The following DLGAP2 variants were observed in gnomAD, a reference collection of about 807,000 sequenced individuals.
DLGAP2 encodes the protein disks large-associated protein 2.
Under a neutral mutation model 100.3 loss-of-function variants are expected in DLGAP2, and 26 were observed. That is an observed-to-expected ratio of 0.26 (90% CI 0.19 to 0.36). The LOEUF (loss-of-function observed/expected upper bound fraction) is 0.36, where lower values mean the gene tolerates loss of function less well. Ranked by LOEUF, DLGAP2 falls within the 10% of genes least tolerant of loss-of-function variation. The pLI is 1.00. For synonymous variants in DLGAP2, 886 were observed against 630.1 expected, an observed-to-expected ratio of 1.41 and a Z score of -6.08; for missense variants, 1,858 against 1,453.2, an observed-to-expected ratio of 1.28 and a Z score of -4.53.
chr8:758,912 A>G (rs571747179), intron 1 of DLGAP2, among the ~76,000 whole-genome samples: 54 of 152,082 alleles, frequency 3.6e-4, no homozygotes, highest in Middle Eastern at 3.4e-3. Context: ...AGCAGAAGGC[A>G]CAGAGAGTTC....
chr8:946,182 C>T, intron 2 of DLGAP2, among the ~76,000 whole-genome samples: 1 of 151,996 alleles, frequency 6.6e-6, no homozygotes, highest in East Asian at 1.9e-4. Flanking sequence ...GGGAGTCACA[C>T]ATTGATTGTC....
chr8:820,790 GA>G (rs1260831855), intron 1 of DLGAP2, among the ~76,000 whole-genome samples: 2 of 152,198 alleles, frequency 1.3e-5, no homozygotes, highest in Non-Finnish European at 2.9e-5. Flanking sequence ...TAGGAAATGG[GA>G]AAATTGGAGA....
intron 3 of DLGAP2, among the ~76,000 whole-genome samples, chr8:1,336,607 A>G (rs894052041): frequency 6.6e-6 from 1 of 152,198 alleles, no homozygotes; most frequent in Non-Finnish European, 1.5e-5. Flanking sequence ...GGGCCTGGAC[A>G]CCAGCAGCCT....
At chr8:1,364,138 G>A (rs768406767) in intron 3 of DLGAP2, among the ~76,000 whole-genome samples, 15 of 152,254 alleles carry the variant, frequency 9.9e-5, no homozygotes, top group East Asian at 5.8e-4. Context: ...TCCTGAGCCC[G>A]TCTCCCGTGC....
chr8:1,362,347 T>A (rs886288314), intron 3 of DLGAP2, among the ~76,000 whole-genome samples: 1 of 126,294 alleles, frequency 7.9e-6, no homozygotes, highest in African/African-American at 3.9e-5. Context: ...TTACAGCTCT[T>A]GACCTCAGGT....
chr8:1,342,109 C>G (rs1158170997), intron 3 of DLGAP2, among the ~76,000 whole-genome samples: 2 of 151,990 alleles, frequency 1.3e-5, no homozygotes, highest in Admixed American at 6.6e-5. Context: ...TGCCCCTACC[C>G]CCAGCTGATT....
intron 3 of DLGAP2, among the ~76,000 whole-genome samples, chr8:1,434,180 GCTCT>G (rs557551718): frequency 2.1e-4 from 32 of 152,224 alleles, no homozygotes; most frequent in African/African-American, 6.7e-4. Context: ...CAGCTCAGCC[GCTCT>G]CTCTTTCTGG....
intron 3 of DLGAP2, among the ~76,000 whole-genome samples, chr8:1,408,287 A>G (rs145872494): frequency 9.1e-4 from 139 of 152,246 alleles, no homozygotes; most frequent in Middle Eastern, 6.8e-3. Flanking sequence ...CTTGCTGATG[A>G]TCTGGGTCTG....
At chr8:1,435,418 G>T (rs1296150074) in intron 3 of DLGAP2, among the ~76,000 whole-genome samples, 1 of 152,134 alleles carries the variant, frequency 6.6e-6, no homozygotes, top group African/African-American at 2.4e-5. Flanking sequence ...ATTATCATCA[G>T]CTGGAAGACT....
At position 1,372,241 on chromosome 8, in the gene DLGAP2, C is replaced by T. The variant is rs570918758; in HGVS notation, c.106+113358C>T. Among the ~76,000 whole-genome samples the T allele has an allele frequency of 3.2e-4, 49 of 151,870 alleles. 1 individual carries two copies. The highest frequency in any genetic ancestry group is 3.4e-3 in the Middle Eastern group (1 of 294). ...GGGACGCTGGTCACCGTGGTGCCAA[C>T]GCTGGGACGCTGGTCACCGTGCTGC... On this transcript the variant is annotated intron_variant, in intron 3 of 14. Transcript: ENST00000637795.
At chr8:838,205 C>A (rs1177899302) in intron 1 of DLGAP2, among the ~76,000 whole-genome samples, 1 of 152,074 alleles carries the variant, frequency 6.6e-6, no homozygotes, top group Admixed American at 6.5e-5. Flanking sequence ...TCTTTCCCCT[C>A]CCTTTGTTCC....
At chr8:907,066 G>T (rs1407675118) in intron 1 of DLGAP2, among the ~76,000 whole-genome samples, 2 of 152,138 alleles carry the variant, frequency 1.3e-5, no homozygotes, top group Admixed American at 6.5e-5. Flanking sequence ...ACTGAAAGTC[G>T]ATCGAGGGCA....
intron 4 of DLGAP2, among the ~76,000 whole-genome samples, chr8:1,534,742 CTGTG>C (rs1367858937): frequency 7.2e-5 from 11 of 151,786 alleles, no homozygotes; most frequent in African/African-American, 2.4e-4. Flanking sequence ...AATCACAAGG[CTGTG>C]TGTGTTTGTG....
intron 1 of DLGAP2, among the ~76,000 whole-genome samples, chr8:838,051 G>T (rs541399435): frequency 6.6e-6 from 1 of 152,100 alleles, no homozygotes; most frequent in South Asian, 2.1e-4. Context: ...ATTAATATTT[G>T]GTAAACAAAT....
chr8:855,687 ATT>A (rs904197021), intron 1 of DLGAP2, among the ~76,000 whole-genome samples: 33 of 152,272 alleles, frequency 2.2e-4, no homozygotes, highest in African/African-American at 7.9e-4. Context: ...TCGGTTACTG[ATT>A]TTTGAGGCCC....
intron 2 of DLGAP2, among the ~76,000 whole-genome samples, chr8:1,221,014 T>C (rs1189097503): frequency 6.6e-6 from 1 of 152,250 alleles, no homozygotes; most frequent in East Asian, 1.9e-4. Context: ...GATGAGTCTC[T>C]TGAAGACAGC....
chr8:882,860 C>T (rs932890247), intron 1 of DLGAP2, among the ~76,000 whole-genome samples: 7 of 152,256 alleles, frequency 4.6e-5, no homozygotes, highest in African/African-American at 1.2e-4. Flanking sequence ...CCCGTGGTGT[C>T]GTCACTTCTC....
chr8:1,039,710 G>A (rs1175229986), intron 2 of DLGAP2, among the ~76,000 whole-genome samples: 1 of 134,474 alleles, frequency 7.4e-6, no homozygotes. Context: ...GGTCAGCTCG[G>A]TTTCCGTGGT....
chr8:1,049,138 G>A (rs1306575603), intron 2 of DLGAP2, among the ~76,000 whole-genome samples: 1 of 152,194 alleles, frequency 6.6e-6, no homozygotes, highest in Non-Finnish European at 1.5e-5. Context: ...TGTCAATAAT[G>A]TTTAGACGAC....
Sources: allele counts gnomAD v4.1 joint callset (sites outside exome capture counted in the v4.1 genomes callset), GRCh38; gene constraint gnomAD v4.1.1; transcripts MANE v1.5; gene names NCBI Gene and HGNC (gene_info 2026-07-23, HGNC 2026-07-21).